KALRN: variants seen among roughly 807,000 people sequenced by gnomAD.
The protein encoded by KALRN is kalirin RhoGEF kinase, also known as kalirin.
In KALRN, 70 loss-of-function variants were observed where a neutral mutation model predicts 353.7. That is an observed-to-expected ratio of 0.20 (90% confidence interval 0.16 to 0.24). KALRN has a LOEUF of 0.24. KALRN is among the 10% of genes least tolerant of loss of function. The pLI, the probability that KALRN is intolerant of heterozygous loss-of-function variation, is 1.00. For missense variants in KALRN, 2,791 were observed against 3,756.7 expected (o/e 0.74, Z 6.72); for synonymous variants, 1,391 against 1,434.8 (o/e 0.97, Z 0.69).
At chr3:124,582,956 A>G (rs1482685398) in intron 34 of KALRN, among the ~76,000 whole-genome samples, 1 of 152,070 alleles carries the variant, frequency 6.6e-6, no homozygotes, top group Non-Finnish European at 1.5e-5. Context: ...TTATTCATTT[A>G]TTTTTATTAT....
intron 5 of KALRN, among the ~76,000 whole-genome samples, chr3:124,289,999 A>C (rs1484512401): frequency 6.6e-6 from 1 of 152,170 alleles, no homozygotes; most frequent in Non-Finnish European, 1.5e-5. Context: ...CACAAAAGGA[A>C]GCCACAAATT....
At chr3:124,640,286 CTT>C (rs71777187) in intron 37 of KALRN, among the ~76,000 whole-genome samples, 14,265 of 127,072 alleles carry the variant, frequency 0.11, 559 homozygotes, top group African/African-American at 0.13. Flanking sequence ...TTCTTTCTTT[CTT>C]TTTTTTTTTT....
At chr3:124,198,853 G>A (rs143360498) in intron 1 of KALRN, among the ~76,000 whole-genome samples, 156 of 152,286 alleles carry the variant, frequency 1.0e-3, no homozygotes, top group African/African-American at 3.5e-3. Flanking sequence ...CAGTGGCTGC[G>A]GACTATACTG....
rs1576586472 is a variant in KALRN at position 124,398,594 on chromosome 3, A to C, written c.2172-103A>C. ...GTCTGTTGATTGAATGACTCAACTG[A>C]TTCACATCCACCTTGCTCAGATGAG... On this transcript the variant is annotated intron_variant, in intron 12 of 59. Transcript: ENST00000682506. The C allele has an allele frequency of 9.7e-6, 11 of 1,128,866 alleles. No individual in the cohort carries two copies. The East Asian group carries it at 2.6e-4, about 27-fold the overall frequency. 69.9% of individuals were successfully genotyped at this position (1,128,866 alleles called of 1,614,324 possible).
chr3:124,516,362 G>A (rs554922594), intron 33 of KALRN, among the ~76,000 whole-genome samples: 1 of 152,284 alleles, frequency 6.6e-6, no homozygotes, highest in Admixed American at 6.5e-5. Flanking sequence ...CCAGGCCTCA[G>A]TCTGCAAAAT....
At chr3:124,264,404 C>T in intron 3 of KALRN, 94 bp from the exon 4 acceptor site, 1 of 1,005,518 alleles carries the variant, frequency 9.9e-7, no homozygotes, top group African/African-American at 1.6e-5. Flanking sequence ...TGATTCTGGT[C>T]AAGGGGAGTG....
chr3:124,574,671 G>T (rs1578089559), intron 34 of KALRN, among the ~76,000 whole-genome samples: 2 of 152,318 alleles, frequency 1.3e-5, no homozygotes, highest in South Asian at 4.1e-4. Flanking sequence ...GAGGAAAGAT[G>T]GTGCAGTTTT....
chr3:124,490,008 CTATAA>C (rs1184120220), intron 29 of KALRN, among the ~76,000 whole-genome samples: 1 of 152,180 alleles, frequency 6.6e-6, no homozygotes, highest in African/African-American at 2.4e-5. Context: ...TGGCTCATGC[CTATAA>C]TCCTACACTT....
intron 12 of KALRN, 36 bp downstream of exon 12, chr3:124,395,379 T>G (rs2090022588): frequency 6.4e-7 from 1 of 1,552,744 alleles, no homozygotes; most frequent in Non-Finnish European, 8.8e-7. Flanking sequence ...GGGAAATGCC[T>G]CGGGCTAGAC....
At chr3:124,648,737 T>A (rs1056037025) in intron 37 of KALRN, among the ~76,000 whole-genome samples, 1 of 152,142 alleles carries the variant, frequency 6.6e-6, no homozygotes, top group Non-Finnish European at 1.5e-5. Context: ...GTAAAAGGCA[T>A]GTAATCAGAT....
At chr3:124,454,774 A>G (rs1007000559) in intron 21 of KALRN, among the ~76,000 whole-genome samples, 4 of 152,164 alleles carry the variant, frequency 2.6e-5, no homozygotes, top group Non-Finnish European at 5.9e-5. Flanking sequence ...CTATTTACTT[A>G]GTATTTACAT....
intron 33 of KALRN, among the ~76,000 whole-genome samples, chr3:124,510,523 T>C (rs2108814465): frequency 8.9e-6 from 1 of 112,848 alleles, no homozygotes; most frequent in Admixed American, 8.0e-5. Flanking sequence ...TGCTGAGGGT[T>C]TTTTTTTTGT....
chr3:124,586,356 G>C (rs967035907), intron 34 of KALRN, among the ~76,000 whole-genome samples: 1 of 152,228 alleles, frequency 6.6e-6, no homozygotes, highest in Non-Finnish European at 1.5e-5. Context: ...TCCGTTTCCT[G>C]TCAGACAGAA....
intron 13 of KALRN, among the ~76,000 whole-genome samples, chr3:124,411,108 G>T (rs1420658427): frequency 6.6e-6 from 1 of 152,058 alleles, no homozygotes; most frequent in African/African-American, 2.4e-5. Flanking sequence ...AAAAAATTCT[G>T]TAAGATTTCA....
rs1176240567 is a variant in KALRN at position 124,632,627 on chromosome 3, A to G, written c.5390A>G (p.Asp1797Gly). The stretch of plus-strand genomic sequence containing the variant: ...ATCAAAAAGCAGAAGAAAGTTCGCG[A>G]TGGTCGGAAGAGCTTTGACCTGGGA... Reference protein sequence around the residue: ...GNIKKQKKVRDGRKSFDLGSP... With the variant: ...GNIKKQKKVRGGRKSFDLGSP... Residue 1797 changes from aspartate to glycine, a missense_variant, in exon 35 of 60, where the codon GAT becomes GGT. Asp to Gly is a moderately conservative substitution (Grantham distance 94). Around this residue, in one of 11 missense-constraint regions of KALRN, gnomAD observed 1,065 missense variants for 1,156.4 expected, o/e 0.92. Coordinates refer to ENST00000682506, the MANE Select transcript of KALRN (RefSeq NM_001388419.1). 3 of 1,614,044 alleles carry G rather than the reference A, an allele frequency of 1.9e-6. No individual in the cohort carries two copies. Among genetic ancestry groups the G allele is most frequent in the Non-Finnish European group, 1.7e-6 (2 of 1,180,032 alleles).
intron 1 of KALRN, among the ~76,000 whole-genome samples, chr3:124,136,407 G>C (rs916354551): frequency 6.6e-6 from 1 of 152,146 alleles, no homozygotes. Context: ...TGGGGACCTT[G>C]CTATGAGAGC....
chr3:124,617,989 G>A (rs1486651398), intron 34 of KALRN, among the ~76,000 whole-genome samples: 2 of 151,902 alleles, frequency 1.3e-5, no homozygotes, highest in African/African-American at 2.4e-5. Flanking sequence ...AAGACTGGGG[G>A]CAGAGAGACA....
rs143877302 is a variant in KALRN at position 124,227,857 on chromosome 3, G to A, written c.74-133G>A. ...GTTGCAGACCCTCTCCTGGTCCATC[G>A]GGCTGGGCTGTAGGACCTGGACAAG... On this transcript the variant is annotated intron_variant, in intron 1 of 59. Coordinates refer to ENST00000682506, the MANE Select transcript of KALRN (RefSeq NM_001388419.1). The A allele has an allele frequency of 1.1e-4, 85 of 751,304 alleles. 2 individuals are homozygous for A. In the East Asian group the frequency reaches 2.0e-3, roughly 17 times the overall value. 46.5% of individuals were successfully genotyped at this position (751,304 alleles called of 1,614,324 possible). A position where few individuals can be genotyped will look rare whatever the true frequency, so the allele number is the denominator to read the frequency against.
intron 17 of KALRN, among the ~76,000 whole-genome samples, chr3:124,437,689 C>CAAAAAAAAAAAAA (rs397876079): frequency 2.1e-5 from 1 of 48,332 alleles, no homozygotes; most frequent in East Asian, 7.0e-4. Flanking sequence ...GATTCCGTCT[C>CAAAAAAAAAAAAA]AAAAAAAAAA....
Sources: gnomAD v4.1 joint callset for allele counts (sites outside exome capture counted in the v4.1 genomes callset) on GRCh38, gnomAD v4.1.1 for gene constraint, gnomAD v4.1.1 regional missense constraint, MANE v1.5 for transcripts, NCBI Gene and HGNC (gene_info 2026-07-23, HGNC 2026-07-21) for gene names.